MAP3K5: variants seen among roughly 807,000 people sequenced by gnomAD.
MAP3K5 encodes ASK-1.
A neutral mutation model predicts 158.7 loss-of-function variants in MAP3K5; 56 were observed. The observed-to-expected ratio is 0.35, with a 90% CI of 0.28 to 0.44. The LOEUF (loss-of-function observed/expected upper bound fraction) is 0.44, where lower values mean the gene tolerates loss of function less well. Ranked by LOEUF, MAP3K5 falls within the 20% of genes least tolerant of loss-of-function variation. MAP3K5 has a pLI of 1.00. For synonymous variants in MAP3K5, 579 were observed against 601.7 expected (o/e 0.96, Z 0.55); for missense variants, 1,294 against 1,674.8 (o/e 0.77, Z 3.97).
chr6:136,771,219 C>T (rs1235263146), intron 1 of MAP3K5, among the ~76,000 whole-genome samples: 1 of 152,068 alleles, frequency 6.6e-6, no homozygotes, highest in Non-Finnish European at 1.5e-5. Context: ...AGGAATGAAA[C>T]CTAGCTGATT....
intron 9 of MAP3K5, among the ~76,000 whole-genome samples, chr6:136,658,457 G>T (rs1343099720): frequency 6.6e-6 from 1 of 151,560 alleles, no homozygotes; most frequent in East Asian, 1.9e-4. Flanking sequence ...TGGGATTACA[G>T]GCACCCGCGA....
In MAP3K5 at chr6:136,777,659, A is replaced by G. The variant is rs542198748; in HGVS notation, c.448+14051T>C. 1.7e-4 allele frequency among the ~76,000 whole-genome samples: 26 copies of G among 152,376 alleles called. No homozygotes were observed. In the South Asian group the frequency reaches 5.2e-3, roughly 30 times the overall value. On this transcript the variant is annotated intron_variant, in intron 1 of 29. Coordinates refer to ENST00000359015, the MANE Select transcript of MAP3K5 (RefSeq NM_005923.4). ...GTATACATTCATTAATGTGACTTAGAACCTTCAGAGGTAGCCCAGATTTCT... is the reference window on the plus strand; with the variant it reads ...GTATACATTCATTAATGTGACTTAGGACCTTCAGAGGTAGCCCAGATTTCT...
At chr6:136,705,067 G>C in intron 3 of MAP3K5, 43 bp downstream of exon 3, 1 of 963,654 alleles carries the variant, frequency 1.0e-6, no homozygotes, top group Non-Finnish European at 1.5e-6. Context: ...TAATGGAAAA[G>C]AAAATATTTT....
intron 13 of MAP3K5, among the ~76,000 whole-genome samples, chr6:136,638,432 A>G (rs1777754637): frequency 6.6e-6 from 1 of 152,180 alleles, no homozygotes; most frequent in South Asian, 2.1e-4. Context: ...TGACTACATG[A>G]TTTTAGGCTA....
chr6:136,636,884 T>C lies in MAP3K5; in HGVS notation c.2016+441A>G, dbSNP rs866612132. On this transcript the variant is annotated intron_variant, in intron 14 of 29. Coordinates refer to ENST00000359015, the MANE Select transcript of MAP3K5 (RefSeq NM_005923.4). ...TTGAGAGGAACAACATTTGAAGTCA[T>C]TGTTATTCCCTCCTCTCTTAATTCC... The C allele has an allele frequency of 1.2e-4, 118 of 991,828 alleles. No homozygotes were observed. In the Middle Eastern group the frequency reaches 2.0e-3, roughly 17 times the overall value. 61.4% of individuals were successfully genotyped at this position (991,828 alleles called of 1,614,324 possible).
intron 7 of MAP3K5, among the ~76,000 whole-genome samples, chr6:136,688,516 C>T (rs554651859): frequency 2.6e-5 from 4 of 152,116 alleles, no homozygotes; most frequent in Admixed American, 2.0e-4. Context: ...CACAAAAATC[C>T]TGACATCTTC....
chr6:136,743,460 C>T (rs1410628687), intron 1 of MAP3K5, among the ~76,000 whole-genome samples: 1 of 151,138 alleles, frequency 6.6e-6, no homozygotes, highest in Non-Finnish European at 1.5e-5. Context: ...AAAACAAAAA[C>T]AAAAACAAAA....
intron 1 of MAP3K5, among the ~76,000 whole-genome samples, chr6:136,724,027 A>G (rs1159260638): frequency 2.0e-5 from 3 of 152,124 alleles, no homozygotes; most frequent in Admixed American, 2.0e-4. Context: ...TCAGCAGTCA[A>G]TCACATTGCT....
At chr6:136,659,779 T>C (rs1381074714) in intron 8 of MAP3K5, among the ~76,000 whole-genome samples, 1 of 152,166 alleles carries the variant, frequency 6.6e-6, no homozygotes, top group Non-Finnish European at 1.5e-5. Context: ...GATAAAAAAG[T>C]TCGGGAGGTG....
chr6:136,763,441 C>T (rs1034180045), intron 1 of MAP3K5, among the ~76,000 whole-genome samples: 2 of 152,154 alleles, frequency 1.3e-5, no homozygotes, highest in Non-Finnish European at 2.9e-5. Flanking sequence ...CAAGCATATG[C>T]TCTTCTGACT....
intron 1 of MAP3K5, among the ~76,000 whole-genome samples, chr6:136,757,278 T>C (rs1011194252): frequency 2.0e-5 from 3 of 152,170 alleles, no homozygotes; most frequent in African/African-American, 7.2e-5. Context: ...CAGGGAAAGA[T>C]TGTGGTATTC....
intron 29 of MAP3K5, 76 bp downstream of exon 29, chr6:136,558,724 G>T: frequency 3.2e-6 from 3 of 935,788 alleles, no homozygotes; most frequent in Non-Finnish European, 5.2e-6. Flanking sequence ...TAGAGACCCA[G>T]CCTGGGAAGA....
In MAP3K5 at chr6:136,613,157, T is replaced by C; in HGVS notation, c.2378A>G (p.Tyr793Cys). The part of the protein sequence containing the change: ...YTKQILEGLK[Y>C]LHDNQIVHRD... ...GTGAACTATCTGATTGTCATGGAGA[T>C]ATTTTAATCCTTCCAGTATTTGCTT... is the stretch of plus-strand genomic sequence containing the variant. Residue 793 changes from tyrosine to cysteine, a missense_variant, in exon 17 of 30, where the codon TAT (tyrosine) becomes TGT (cysteine). By Grantham distance (194) the Tyr-to-Cys change is radical. This residue lies in a region of MAP3K5 where 362 missense variants were observed against 463.2 expected (regional missense o/e 0.78). Transcript: ENST00000359015. This position sits in a 1 kb window ranked among gnomAD's most constrained non-coding sequence, Gnocchi z 4.0. 1 of 1,612,832 alleles carries C rather than the reference T, an allele frequency of 6.2e-7. No homozygotes were observed. The highest frequency in any genetic ancestry group is 8.5e-7 in the Non-Finnish European group (1 of 1,179,460).
At chr6:136,677,599 T>C (rs1779762541) in intron 7 of MAP3K5, among the ~76,000 whole-genome samples, 2 of 152,194 alleles carry the variant, frequency 1.3e-5, no homozygotes, top group Admixed American at 6.5e-5. Flanking sequence ...TTGTCTTCCA[T>C]CTGGGATCCA....
intron 24 of MAP3K5, among the ~76,000 whole-genome samples, chr6:136,582,259 TATAC>T (rs1194671544): frequency 2.0e-4 from 26 of 132,686 alleles, no homozygotes; most frequent in African/African-American, 7.9e-4. Context: ...CACGTGTGTG[TATAC>T]GTGTGTGTGT....
Position 136,637,357 on chromosome 6 carries a change from C to G in MAP3K5, c.1984G>C (p.Glu662Gln). The G allele has an allele frequency of 1.2e-6, 2 of 1,612,934 alleles. No homozygotes were observed. ...AAGTCACTTTCACAGTCTCCTTCCT[C>G]TGTGCTTCTCCCCTTCTCTTCGGTA... ...TITEEKGRST[E>Q]EGDCESDLLE... Residue 662 changes from glutamate (E) to glutamine (Q), a missense_variant, in exon 14 of 30, where the codon GAG becomes CAG. Glu to Gln is a conservative substitution (Grantham distance 29). Around this residue, in one of 5 missense-constraint regions of MAP3K5, gnomAD observed 690 missense variants for 870.5 expected, o/e 0.79. Transcript: ENST00000359015.
At chr6:136,770,447 T>G (rs1784151155) in intron 1 of MAP3K5, among the ~76,000 whole-genome samples, 2 of 152,240 alleles carry the variant, frequency 1.3e-5, no homozygotes, top group Non-Finnish European at 2.9e-5. Context: ...ATGTTAAGTT[T>G]ATAAATTTCA....
chr6:136,704,376 A>T (rs1468083870), intron 3 of MAP3K5, among the ~76,000 whole-genome samples: 1 of 152,162 alleles, frequency 6.6e-6, no homozygotes, highest in Non-Finnish European at 1.5e-5. Context: ...CGATTTAGAA[A>T]AGGGAAAAGG....
At chr6:136,650,416 T>C (rs1778466587) in intron 11 of MAP3K5, among the ~76,000 whole-genome samples, 1 of 152,220 alleles carries the variant, frequency 6.6e-6, no homozygotes, top group Non-Finnish European at 1.5e-5. Context: ...TGGAAAGGCT[T>C]ATCCACATGA....
Sources: gnomAD v4.1 joint callset for allele counts (sites outside exome capture counted in the v4.1 genomes callset) on GRCh38, gnomAD v4.1.1 for gene constraint, gnomAD v4.1.1 regional missense constraint, Gnocchi (gnomAD v3.1) non-coding constraint, MANE v1.5 for transcripts, NCBI Gene and HGNC (gene_info 2026-07-23, HGNC 2026-07-21) for gene names.